AKR1B1: variants seen among roughly 807,000 people sequenced by gnomAD.
AKR1B1 encodes aldo-keto reductase family 1 member B1.
AKR1B1 carries 22 observed loss-of-function variants against 40.4 expected under a neutral mutation model. The observed-to-expected ratio is 0.54, with a 90% CI of 0.39 to 0.78. The LOEUF (loss-of-function observed/expected upper bound fraction) is 0.78, where lower values mean the gene tolerates loss of function less well. AKR1B1 is among the 30% of genes least tolerant of loss of function. The probability of loss-of-function intolerance (pLI) is 0.00; values close to 1 mark genes in which losing one functional copy is unlikely to be tolerated. For synonymous variants in AKR1B1, 157 were observed against 149.9 expected, an observed-to-expected ratio of 1.05 and a Z score of -0.35; for missense variants, 357 against 396.7, an observed-to-expected ratio of 0.90 and a Z score of 0.85.
At chr7:134,444,866 T>G in intron 9 of AKR1B1, 1 of 361,436 alleles carries the variant, frequency 2.8e-6, no homozygotes, top group Non-Finnish European at 5.3e-6. Flanking sequence ...ACCCCTTTCA[T>G]TAGGGTCATT....
intron 8 of AKR1B1, among the ~76,000 whole-genome samples, chr7:134,446,085 G>A (rs1046846834): frequency 7.2e-5 from 11 of 152,214 alleles, no homozygotes; most frequent in African/African-American, 2.4e-4. Flanking sequence ...ATGTGCAAAA[G>A]CTATACAGTA....
Position 134,449,203 on chromosome 7 carries a change from T to C in AKR1B1, c.430-84A>G, listed in dbSNP as rs976100580. 3 of 1,577,188 alleles carry C rather than the reference T, an allele frequency of 1.9e-6. No individual in the cohort carries two copies. In the African/African-American group the frequency reaches 4.0e-5, roughly 21 times the overall value. Reference sequence around the variant, plus strand: ...GTGTCGTTTGCACCAGTTTAACGGGTCCTGCCCTCACTCTTCAGTGCCAGT... The same window carrying C: ...GTGTCGTTTGCACCAGTTTAACGGGCCCTGCCCTCACTCTTCAGTGCCAGT... On this transcript the variant is annotated intron_variant, in intron 4 of 9. Coordinates refer to ENST00000285930, the MANE Select transcript of AKR1B1 (RefSeq NM_001628.4).
In AKR1B1 at chr7:134,449,727, G is replaced by A. The variant is rs766541770; in HGVS notation, c.422C>T (p.Thr141Met). The A allele has an allele frequency of 3.1e-5, 50 of 1,613,848 alleles. No homozygotes were observed. The East Asian group carries it at 1.0e-3, about 34-fold the overall frequency. Reference sequence around the variant, plus strand: ...AACCAGGGGCTGTCTTACCGCCCACGTGTCCAGAATGTTGGTGTCACTGGG... The same window carrying A: ...AACCAGGGGCTGTCTTACCGCCCACATGTCCAGAATGTTGGTGTCACTGGG... ...VVPSDTNILD[T>M]WAAMEELVDE... Residue 141 changes from threonine (T) to methionine (M), a missense_variant, in exon 4 of 10, where the codon ACG (threonine) becomes ATG (methionine). By Grantham distance (81) the Thr-to-Met change is moderately conservative. Coordinates refer to ENST00000285930, the MANE Select transcript of AKR1B1 (RefSeq NM_001628.4).
chr7:134,455,735 C>T (rs1806448897), intron 1 of AKR1B1, among the ~76,000 whole-genome samples: 1 of 150,888 alleles, frequency 6.6e-6, no homozygotes, highest in South Asian at 2.1e-4. Context: ...AGGCACCCAC[C>T]ACCATGCCGG....
intron 5 of AKR1B1, 33 bp from the exon 6 acceptor site, chr7:134,448,526 A>G (rs1270995612): frequency 6.5e-7 from 1 of 1,527,268 alleles, no homozygotes; most frequent in East Asian, 2.2e-5. Flanking sequence ...TGATGGGAGC[A>G]CTGTGGCTAC....
intron 1 of AKR1B1, among the ~76,000 whole-genome samples, chr7:134,453,649 G>C (rs1806361652): frequency 6.6e-6 from 1 of 152,088 alleles, no homozygotes; most frequent in East Asian, 1.9e-4. Context: ...AGTTGTGAGA[G>C]GTTTTTCTAG....
At position 134,449,014 on chromosome 7, in the gene AKR1B1, T is replaced by C. The variant is rs758962979; in HGVS notation, c.535A>G (p.Lys179Glu). 2 of 1,614,076 alleles carry C rather than the reference T, an allele frequency of 1.2e-6. No individual in the cohort carries two copies. Among genetic ancestry groups the C allele is most frequent in the South Asian group, 2.2e-5 (2 of 91,088 alleles). ...ATGTTTACCTGGTTAACTGCAGGCT[T>C]ATACTTCAAGCCAGGTTTGTTTAAG... ...MILNKPGLKY[K>E]PAVNQIECHP... Residue 179 changes from lysine (K) to glutamate (E), a missense_variant, in exon 5 of 10, where the codon AAG (lysine) becomes GAG (glutamate). By Grantham distance (56) the Lys-to-Glu change is moderately conservative (BLOSUM62 1). Transcript: ENST00000285930.
At chr7:134,451,349 C>T (rs1305987460) in intron 2 of AKR1B1, 2 of 611,790 alleles carry the variant, frequency 3.3e-6, no homozygotes, top group Admixed American at 2.5e-5. Context: ...AATCCACAAC[C>T]TCAGCCTCAT....
chr7:134,453,653 T>C (rs1806361919), intron 1 of AKR1B1, among the ~76,000 whole-genome samples: 1 of 152,134 alleles, frequency 6.6e-6, no homozygotes, highest in Non-Finnish European at 1.5e-5. Flanking sequence ...GTGAGAGGTT[T>C]TTCTAGAAAA....
At chr7:134,454,028 G>T (rs1272949760) in intron 1 of AKR1B1, among the ~76,000 whole-genome samples, 1 of 152,138 alleles carries the variant, frequency 6.6e-6, no homozygotes, top group Non-Finnish European at 1.5e-5. Context: ...CTTCTAAAAA[G>T]AAGGTAAACT....
chr7:134,443,658 A>C (rs1791000), intron 9 of AKR1B1, among the ~76,000 whole-genome samples: 1 of 151,816 alleles, frequency 6.6e-6, no homozygotes, highest in Middle Eastern at 3.4e-3. Context: ...TAGTAGGGCC[A>C]ATGGCTGTGC....
chr7:134,449,413 C>A, intron 4 of AKR1B1: 1 of 553,870 alleles, frequency 1.8e-6, no homozygotes. Context: ...GGTGAAACCC[C>A]GTCTCTACTA....
intron 7 of AKR1B1, 192 bp downstream of exon 7, chr7:134,447,788 C>G: frequency 5.8e-6 from 4 of 690,246 alleles, no homozygotes; most frequent in Non-Finnish European, 8.0e-6. Flanking sequence ...GGGGCAGGCA[C>G]TATTAATCTA....
At chr7:134,451,868 C>G in intron 1 of AKR1B1, 115 bp from the exon 2 acceptor site, 1 of 1,154,218 alleles carries the variant, frequency 8.7e-7, no homozygotes, top group Non-Finnish European at 1.3e-6. Context: ...TCAGCAAAGA[C>G]AGACCACGTG....
At chr7:134,453,524 C>A (rs911261390) in intron 1 of AKR1B1, among the ~76,000 whole-genome samples, 1 of 152,064 alleles carries the variant, frequency 6.6e-6, no homozygotes, top group Non-Finnish European at 1.5e-5. Flanking sequence ...TCAATCCCCA[C>A]CCCAAACACA....
chr7:134,447,811 A>G (rs187693795), intron 7 of AKR1B1, 169 bp downstream of exon 7: 6 of 719,586 alleles, frequency 8.3e-6, no homozygotes, highest in African/African-American at 5.2e-5. Flanking sequence ...AGCCCATGCC[A>G]GAGTCTTCTA....
chr7:134,459,069 T>A lies in AKR1B1; in HGVS notation c.-7A>T. On this transcript the variant is annotated 5_prime_UTR_variant, in exon 1 of 10. Coordinates refer to ENST00000285930, the MANE Select transcript of AKR1B1 (RefSeq NM_001628.4). Reference sequence around the variant, plus strand: ...GCAGGAGACGGCTTGCCATGGCTGCTGCGCTCCCCAGACCCCCGCCCAGTA... The same window carrying A: ...GCAGGAGACGGCTTGCCATGGCTGCAGCGCTCCCCAGACCCCCGCCCAGTA... The A allele has an allele frequency of 1.2e-6, 2 of 1,601,256 alleles. No individual in the cohort carries two copies. Among genetic ancestry groups the A allele is most frequent in the Non-Finnish European group, 1.7e-6 (2 of 1,174,860 alleles).
At chr7:134,451,292 G>C in intron 2 of AKR1B1, 1 of 541,692 alleles carries the variant, frequency 1.8e-6, no homozygotes, top group Non-Finnish European at 3.3e-6. Context: ...TTTGCAGATG[G>C]GAACCAAGTT....
At chr7:134,456,994 C>T (rs1585719914) in intron 1 of AKR1B1, among the ~76,000 whole-genome samples, 3 of 152,086 alleles carry the variant, frequency 2.0e-5, no homozygotes, top group South Asian at 4.1e-4. Context: ...ACAAACTACC[C>T]GAGTGTGGTG....
Sources: allele counts gnomAD v4.1 joint callset (sites outside exome capture counted in the v4.1 genomes callset), GRCh38; gene constraint gnomAD v4.1.1; transcripts MANE v1.5; gene names NCBI Gene and HGNC (gene_info 2026-07-23, HGNC 2026-07-21).